MACROD2: variants seen among roughly 807,000 people sequenced by gnomAD.
MACROD2 encodes the protein mono-ADP ribosylhydrolase 2, also known as ADP-ribose glycohydrolase MACROD2.
A neutral mutation model predicts 70.4 loss-of-function variants in MACROD2; 36 were observed. The observed-to-expected ratio is 0.51, with a 90% CI of 0.39 to 0.68. The LOEUF (loss-of-function observed/expected upper bound fraction) is 0.68, where lower values mean the gene tolerates loss of function less well. MACROD2 is among the 30% of genes least tolerant of loss of function. MACROD2 has a pLI of 0.00. For synonymous variants in MACROD2, 172 were observed against 178.8 expected, an observed-to-expected ratio of 0.96 and a Z score of 0.30; for missense variants, 496 against 538.4, an observed-to-expected ratio of 0.92 and a Z score of 0.78.
chr20:14,254,383 A>T (rs1441339699), intron 3 of MACROD2, among the ~76,000 whole-genome samples: 1 of 151,906 alleles, frequency 6.6e-6, no homozygotes, highest in Non-Finnish European at 1.5e-5. Flanking sequence ...CATTTTTAAT[A>T]ATTTAGTGAA....
At chr20:14,989,681 T>C (rs1352446459) in intron 5 of MACROD2, among the ~76,000 whole-genome samples, 1 of 152,122 alleles carries the variant, frequency 6.6e-6, no homozygotes, top group African/African-American at 2.4e-5. Flanking sequence ...GTCATAGCGC[T>C]GGTGGGTGTG....
At chr20:14,190,243 T>G (rs1277793583) in intron 3 of MACROD2, among the ~76,000 whole-genome samples, 1 of 152,194 alleles carries the variant, frequency 6.6e-6, no homozygotes, top group Non-Finnish European at 1.5e-5. Context: ...TCTGTAACTC[T>G]GTGATTTTAC....
At chr20:15,294,485 G>A (rs1600209514) in intron 6 of MACROD2, among the ~76,000 whole-genome samples, 1 of 152,200 alleles carries the variant, frequency 6.6e-6, no homozygotes, top group East Asian at 1.9e-4. Context: ...GTATGTGCAA[G>A]CTTTCTCAAG....
intron 5 of MACROD2, among the ~76,000 whole-genome samples, chr20:14,978,935 C>A (rs1359020897): frequency 2.9e-5 from 4 of 139,336 alleles, no homozygotes; most frequent in East Asian, 2.0e-4. Flanking sequence ...TAATATATAT[C>A]ATAATATATA....
chr20:14,954,744 T>TATATAAATTATAAATA (rs372624645), intron 5 of MACROD2, among the ~76,000 whole-genome samples: 2 of 105,024 alleles, frequency 1.9e-5, no homozygotes, highest in African/African-American at 8.3e-5. Flanking sequence ...AAATTATAAA[T>TATATAAATTATAAATA]TATAAATATA....
intron 15 of MACROD2, among the ~76,000 whole-genome samples, chr20:16,019,981 C>A (rs1227784059): frequency 6.6e-6 from 1 of 152,184 alleles, no homozygotes; most frequent in Non-Finnish European, 1.5e-5. Context: ...AATAGCCCAG[C>A]TCTGTGCCCA....
chr20:15,335,909 A>AG lies in MACROD2; in HGVS notation c.541-95492dup, dbSNP rs368309163. On this transcript the variant is annotated intron_variant, in intron 6 of 17. Transcript: ENST00000684519. ...TTCTCCTCACCATTCTTCATGCCCAAGGGGTCTATTTGCATTTCCTAGAAC... is the reference window on the plus strand; with the variant it reads ...TTCTCCTCACCATTCTTCATGCCCAAGGGGGTCTATTTGCATTTCCTAGAAC... Among the ~76,000 whole-genome samples, 43 of 151,704 alleles carry AG rather than the reference A, an allele frequency of 2.8e-4. 1 individual carries two copies. Among genetic ancestry groups the AG allele is most frequent in the African/African-American group, 9.3e-4 (38 of 41,070 alleles).
At chr20:15,843,402 G>A (rs1304404201) in intron 8 of MACROD2, among the ~76,000 whole-genome samples, 2 of 152,136 alleles carry the variant, frequency 1.3e-5, no homozygotes, top group African/African-American at 2.4e-5. Flanking sequence ...TCATGTTCGT[G>A]TGTTGACAGT....
intron 7 of MACROD2, among the ~76,000 whole-genome samples, chr20:15,458,615 T>A (rs1450204870): frequency 8.2e-5 from 12 of 147,216 alleles, no homozygotes; most frequent in African/African-American, 3.1e-4. Context: ...TGAACTGTTT[T>A]TTTGTTTTTT....
chr20:15,089,035 T>G (rs893990208), intron 5 of MACROD2, among the ~76,000 whole-genome samples: 4 of 151,946 alleles, frequency 2.6e-5, no homozygotes, highest in African/African-American at 9.7e-5. Flanking sequence ...AGTAGGACAG[T>G]TTTTTTTCTC....
chr20:15,792,774 G>A (rs956551438), intron 8 of MACROD2, among the ~76,000 whole-genome samples: 1 of 152,102 alleles, frequency 6.6e-6, no homozygotes, highest in Non-Finnish European at 1.5e-5. Context: ...GCAGAAGTCT[G>A]GAATATACAT....
chr20:15,878,932 A>T (rs2064714329), intron 9 of MACROD2, among the ~76,000 whole-genome samples: 3 of 152,134 alleles, frequency 2.0e-5, no homozygotes, highest in African/African-American at 7.2e-5. Flanking sequence ...GGTCATATTC[A>T]TGTGTTTGTG....
At chr20:15,224,205 G>T (rs1485949964) in intron 5 of MACROD2, among the ~76,000 whole-genome samples, 1 of 152,182 alleles carries the variant, frequency 6.6e-6, no homozygotes, top group Non-Finnish European at 1.5e-5. Flanking sequence ...GAAGCCAAAA[G>T]AAATAATAGG....
intron 5 of MACROD2, among the ~76,000 whole-genome samples, chr20:14,881,099 T>C (rs1053509322): frequency 3.9e-5 from 6 of 152,066 alleles, no homozygotes; most frequent in African/African-American, 1.4e-4. Flanking sequence ...TACATGTTGC[T>C]TTTAACAATT....
intron 6 of MACROD2, among the ~76,000 whole-genome samples, chr20:15,403,238 G>A (rs1222796799): frequency 6.6e-6 from 1 of 152,186 alleles, no homozygotes; most frequent in Non-Finnish European, 1.5e-5. Flanking sequence ...AAAGTGCTGG[G>A]ATTATAGCTG....
At chr20:15,472,409 C>T (rs2046973544) in intron 7 of MACROD2, among the ~76,000 whole-genome samples, 1 of 152,118 alleles carries the variant, frequency 6.6e-6, no homozygotes. Context: ...ATACCCTTCT[C>T]TAACTTTGAC....
At chr20:14,973,107 C>A (rs1426817412) in intron 5 of MACROD2, among the ~76,000 whole-genome samples, 3 of 151,806 alleles carry the variant, frequency 2.0e-5, no homozygotes, top group African/African-American at 7.3e-5. Flanking sequence ...TATCATAAAT[C>A]ATACAGTTAA....
chr20:14,563,637 G>A (rs1476101166), intron 4 of MACROD2, among the ~76,000 whole-genome samples: 2 of 151,880 alleles, frequency 1.3e-5, no homozygotes, highest in Admixed American at 1.3e-4. Context: ...TCCCCCAATG[G>A]TAACATTTTC....
rs550703353 is a variant in MACROD2, at chr20:15,603,114, AAATGTT to A, written c.645+103271_645+103276del. The stretch of plus-strand genomic sequence containing the variant: ...AATAATAAATATGACTAGATCAAAG[AAATGTT>A]AATATTATCTGTGGAGCTTCCTTAT... On this transcript the variant is annotated intron_variant, in intron 8 of 17. Coordinates refer to ENST00000684519, the MANE Select transcript of MACROD2 (RefSeq NM_001351661.2). 3.3e-4 allele frequency among the ~76,000 whole-genome samples: 50 copies of A among 152,250 alleles called. No homozygotes were observed. The South Asian group carries it at 0.01, about 31-fold the overall frequency.
Sources: gnomAD v4.1 joint callset for allele counts (sites outside exome capture counted in the v4.1 genomes callset) on GRCh38, gnomAD v4.1.1 for gene constraint, MANE v1.5 for transcripts, NCBI Gene and HGNC (gene_info 2026-07-23, HGNC 2026-07-21) for gene names.